ZNF536: variants seen among roughly 807,000 people sequenced by gnomAD.
ZNF536 encodes the protein zinc finger protein 536.
In ZNF536, 13 loss-of-function variants were observed where a neutral mutation model predicts 84.5. The ratio of observed to expected loss-of-function variants is 0.15; its 90% CI spans 0.10 to 0.24. The LOEUF (loss-of-function observed/expected upper bound fraction) is 0.24, where lower values mean the gene tolerates loss of function less well. ZNF536 is among the 10% of genes least tolerant of loss of function. ZNF536 has a pLI of 1.00. For missense variants in ZNF536, 1,536 were observed against 1,747.5 expected, an observed-to-expected ratio of 0.88 and a Z score of 2.16; for synonymous variants, 811 against 742.5, an observed-to-expected ratio of 1.09 and a Z score of -1.50.
intron 1 of ZNF536, among the ~76,000 whole-genome samples, chr19:30,438,862 G>T (rs1027100164): frequency 1.3e-5 from 2 of 151,934 alleles, no homozygotes; most frequent in Non-Finnish European, 2.9e-5. Context: ...TATATTTTTA[G>T]TAGAGATGGG....
At chr19:30,549,623 T>C (rs2045698156) in intron 4 of ZNF536, 109 bp downstream of exon 4, 3 of 1,304,288 alleles carry the variant, frequency 2.3e-6, no homozygotes, top group Non-Finnish European at 3.0e-6. Flanking sequence ...TTGAATGAAA[T>C]ATTTGAAAAA....
intron 2 of ZNF536, among the ~76,000 whole-genome samples, chr19:30,341,112 A>G (rs2146546134): frequency 6.6e-6 from 1 of 152,306 alleles, no homozygotes; most frequent in East Asian, 1.9e-4. Flanking sequence ...GAAGCTTTAC[A>G]TTTTTGTTTA....
intron 1 of ZNF536, among the ~76,000 whole-genome samples, chr19:30,653,594 A>T (rs2049791155): frequency 6.6e-6 from 1 of 152,190 alleles, no homozygotes; most frequent in Non-Finnish European, 1.5e-5. Context: ...CAAGAGATAG[A>T]AGAGAGGTGG....
intron 1 of ZNF536, among the ~76,000 whole-genome samples, chr19:30,564,703 G>A (rs1449608951): frequency 6.6e-5 from 10 of 152,224 alleles, no homozygotes; most frequent in Admixed American, 6.5e-4. Flanking sequence ...AGGAGGAAAT[G>A]CTGCAGCTTA....
chr19:30,499,295 A>C (rs898043886), intron 2 of ZNF536, among the ~76,000 whole-genome samples: 1 of 152,150 alleles, frequency 6.6e-6, no homozygotes, highest in Non-Finnish European at 1.5e-5. Context: ...CTATCTTTGC[A>C]TCTATGTATC....
chr19:30,517,718 G>A (rs1447971279), intron 2 of ZNF536, among the ~76,000 whole-genome samples: 2 of 152,088 alleles, frequency 1.3e-5, no homozygotes, highest in East Asian at 3.9e-4. Flanking sequence ...GGAGGTCGAG[G>A]CTGCAGTGAG....
chr19:30,252,387 C>T (rs1555775579), intron 1 of ZNF536, among the ~76,000 whole-genome samples: 1 of 152,170 alleles, frequency 6.6e-6, no homozygotes, highest in Non-Finnish European at 1.5e-5. Context: ...CTAGTCTCCC[C>T]AGGGGGATCT....
chr19:30,333,281 C>G (rs1478803637), intron 2 of ZNF536, among the ~76,000 whole-genome samples: 1 of 152,232 alleles, frequency 6.6e-6, no homozygotes, highest in African/African-American at 2.4e-5. Flanking sequence ...ACAGTCCCAG[C>G]TTCATCTCTG....
intron 1 of ZNF536, among the ~76,000 whole-genome samples, chr19:30,615,091 T>C (rs7252039): frequency 0.85 from 115,897 of 137,032 alleles, 48,897 homozygotes; most frequent in East Asian, 0.97. Flanking sequence ...GGACTACAGG[T>C]GCGCGCCACC....
intron 2 of ZNF536, among the ~76,000 whole-genome samples, chr19:30,284,459 GGCTTTTGCTAAAGGCCGAGT>G (rs916875723): frequency 5.2e-4 from 79 of 152,312 alleles, no homozygotes; most frequent in Non-Finnish European, 1.5e-4. Context: ...GAGCTGGTGG[GGCTTTTGCTAAAGGCCGAGT>G]GACCTCGTCC....
chr19:30,384,098 CTCTT>C (rs749685060), intron 1 of ZNF536, among the ~76,000 whole-genome samples: 1,576 of 86,394 alleles, frequency 0.018, 41 homozygotes, highest in African/African-American at 0.061. Flanking sequence ...CCACCTCTTT[CTCTT>C]TCTTTCTTTC....
In ZNF536 at chr19:30,366,695, C is replaced by T. The variant is rs150444701; in HGVS notation, c.-3+14211C>T. 3.4e-4 allele frequency among the ~76,000 whole-genome samples: 52 copies of T among 152,208 alleles called. No individual in the cohort carries two copies. The East Asian group carries it at 9.3e-3, about 27-fold the overall frequency. On this transcript the variant is annotated intron_variant, in intron 3 of 5. Coordinates refer to the ZNF536 transcript ENST00000585628. The stretch of plus-strand genomic sequence containing the variant: ...CTTCTCTTTCATCCTACTTGATGAG[C>T]CAGGTACTGTTTTTGGCCCTGAGAA...
rs189397166 is a variant in ZNF536, at chr19:30,684,134, T to C, written c.170-26623T>C. On this transcript the variant is annotated intron_variant, in intron 1 of 1. Transcript: ENST00000592773. ...ACTCACATGTACACACACACACACA[T>C]ATATACATATATATATTTGAGATGG... Among the ~76,000 whole-genome samples, 85 of 152,100 alleles carry C rather than the reference T, an allele frequency of 5.6e-4. 1 individual carries two copies. The highest frequency in any genetic ancestry group is 1.7e-3 in the African/African-American group (69 of 41,460).
intron 1 of ZNF536, among the ~76,000 whole-genome samples, chr19:30,235,591 A>T (rs1289416148): frequency 1.3e-5 from 2 of 152,240 alleles, no homozygotes; most frequent in East Asian, 3.8e-4. Context: ...TTGATATTTA[A>T]TTTTATCTTC....
intron 2 of ZNF536, among the ~76,000 whole-genome samples, chr19:30,458,449 T>TTTGTTTTTG (rs2052967546): frequency 2.2e-5 from 3 of 138,490 alleles, no homozygotes; most frequent in Admixed American, 7.1e-5. Flanking sequence ...TTCCTGCTGT[T>TTTGTTTTTG]TTTTTTTTTT....
At chr19:30,518,719 C>T (rs1430466038) in intron 2 of ZNF536, among the ~76,000 whole-genome samples, 1 of 152,156 alleles carries the variant, frequency 6.6e-6, no homozygotes, top group Non-Finnish European at 1.5e-5. Flanking sequence ...GCCTTTTATT[C>T]AGTAAGTGCC....
At chr19:30,415,587 T>C (rs914635963) in intron 1 of ZNF536, among the ~76,000 whole-genome samples, 6 of 123,944 alleles carry the variant, frequency 4.8e-5, no homozygotes, top group Non-Finnish European at 8.7e-5. Context: ...ATCATCATCA[T>C]CGTCATCGTC....
At chr19:30,315,806 A>G (rs1246428211) in intron 2 of ZNF536, among the ~76,000 whole-genome samples, 1 of 152,228 alleles carries the variant, frequency 6.6e-6, no homozygotes, top group Non-Finnish European at 1.5e-5. Flanking sequence ...TAGGGTGAAT[A>G]TTCACAAAAA....
chr19:30,233,339 C>CT (rs375462948), intron 1 of ZNF536, among the ~76,000 whole-genome samples: 25,301 of 143,546 alleles, frequency 0.18, 2,275 homozygotes, highest in African/African-American at 0.24. Flanking sequence ...ATAATGATAC[C>CT]TTTTTTTTTT....
Sources: allele counts gnomAD v4.1 joint callset (sites outside exome capture counted in the v4.1 genomes callset), GRCh38; gene constraint gnomAD v4.1.1; transcripts MANE v1.5; gene names NCBI Gene and HGNC (gene_info 2026-07-23, HGNC 2026-07-21).